DOCK10: variants seen among roughly 807,000 people sequenced by gnomAD.
DOCK10 encodes dedicator of cytokinesis protein 10.
Under a neutral mutation model 280.1 loss-of-function variants are expected in DOCK10, and 145 were observed. The observed-to-expected ratio is 0.52, with a 90% CI of 0.45 to 0.59. The LOEUF (loss-of-function observed/expected upper bound fraction) is 0.59, where lower values mean the gene tolerates loss of function less well. Among genes scored for constraint, DOCK10 ranks in the 20% least tolerant of loss-of-function variants. The pLI is 0.00. For missense variants in DOCK10, 2,368 were observed against 2,651.7 expected (o/e 0.89, Z 2.35); for synonymous variants, 915 against 942.2 (o/e 0.97, Z 0.53).
chr2:224,831,227 G>T (rs1413484437), intron 26 of DOCK10, among the ~76,000 whole-genome samples: 4 of 152,092 alleles, frequency 2.6e-5, no homozygotes, highest in Admixed American at 2.0e-4. Flanking sequence ...GAGCCACCAA[G>T]CCTGACCTAA....
intron 1 of DOCK10, among the ~76,000 whole-genome samples, chr2:224,964,851 C>A (rs1329229878): frequency 6.6e-6 from 1 of 152,194 alleles, no homozygotes; most frequent in Non-Finnish European, 1.5e-5. Flanking sequence ...TATAAGAACA[C>A]ATACTTCAAG....
chr2:224,904,281 G>A (rs2125871532), intron 3 of DOCK10, among the ~76,000 whole-genome samples: 1 of 147,260 alleles, frequency 6.8e-6, no homozygotes, highest in Middle Eastern at 3.4e-3. Context: ...TCATCAGCAA[G>A]ACCTTCATTA....
chr2:224,770,481 G>A lies in DOCK10; in HGVS notation c.6305+64C>T. ...TGAGTTTTGGTGTGATGGATTCTTG[G>A]GGGATTGAGGACTCCCTGTCTCAGG... On this transcript the variant is annotated intron_variant, in intron 54 of 55. Transcript: ENST00000258390. The surrounding 1 kb of genome is among the most constrained non-coding windows in gnomAD (Gnocchi z 4.5). The A allele has an allele frequency of 6.3e-7, 1 of 1,575,562 alleles. No homozygotes were observed. The highest frequency in any genetic ancestry group is 8.7e-7 in the Non-Finnish European group (1 of 1,148,036).
intron 1 of DOCK10, among the ~76,000 whole-genome samples, chr2:224,940,156 T>G (rs1702946193): frequency 6.6e-6 from 1 of 152,150 alleles, no homozygotes; most frequent in Non-Finnish European, 1.5e-5. Flanking sequence ...GATGAAAGGA[T>G]TGGAATTGTT....
chr2:224,794,397 G>A (rs958105203), intron 45 of DOCK10, among the ~76,000 whole-genome samples: 2 of 152,232 alleles, frequency 1.3e-5, no homozygotes, highest in Non-Finnish European at 2.9e-5. Context: ...TCCTCGTGCA[G>A]TGGACTCTCC....
At chr2:224,771,483 C>G (rs2124956605) in intron 53 of DOCK10, among the ~76,000 whole-genome samples, 1 of 152,290 alleles carries the variant, frequency 6.6e-6, no homozygotes, top group East Asian at 1.9e-4. Flanking sequence ...GATTCTGGCT[C>G]AAGGAGGCAT....
chr2:224,791,230 A>G (rs1692172357), intron 47 of DOCK10, among the ~76,000 whole-genome samples: 1 of 152,178 alleles, frequency 6.6e-6, no homozygotes, highest in South Asian at 2.1e-4. Flanking sequence ...GCATCTGGTT[A>G]TGATAAGCAA....
chr2:224,938,895 T>C (rs950748335), intron 1 of DOCK10, among the ~76,000 whole-genome samples: 2 of 152,224 alleles, frequency 1.3e-5, no homozygotes, highest in African/African-American at 4.8e-5. Context: ...GGCTACTTTT[T>C]CCTACCAAAA....
rs539832552 is a variant in DOCK10 at position 224,909,354 on chromosome 2, G to A, written c.333+7341C>T. Among the ~76,000 whole-genome samples the A allele has an allele frequency of 2.6e-5, 4 of 152,252 alleles. No homozygotes were observed. In the South Asian group the frequency reaches 8.3e-4, roughly 32 times the overall value. On this transcript the variant is annotated intron_variant, in intron 3 of 55. Coordinates refer to ENST00000258390, the MANE Select transcript of DOCK10 (RefSeq NM_014689.3). ...TTAAGCAGATTCAGATAAAGACAAT[G>A]CTCTCCAGTAGTTGTTTTCCAAGTG...
intron 50 of DOCK10, among the ~76,000 whole-genome samples, chr2:224,781,308 A>G (rs920706262): frequency 5.3e-5 from 8 of 152,172 alleles, no homozygotes; most frequent in Non-Finnish European, 7.4e-5. Context: ...TTTTCTAAAG[A>G]GCTTGGAAAT....
intron 13 of DOCK10, 44 bp downstream of exon 13, chr2:224,864,507 TAA>T (rs369411005): frequency 4.2e-4 from 469 of 1,124,890 alleles, no homozygotes; most frequent in Admixed American, 1.1e-3. Flanking sequence ...GAGACTCTAT[TAA>T]AAAAAAAAAA....
rs1258834969 is a variant in DOCK10 at position 224,797,920 on chromosome 2, A to T, written c.4556T>A (p.Phe1519Tyr). The T allele has an allele frequency of 6.2e-7, 1 of 1,613,876 alleles. No individual in the cohort carries two copies. The highest frequency in any genetic ancestry group is 8.5e-7 in the Non-Finnish European group (1 of 1,179,790). Reference protein sequence around the residue: ...DCQNSLMKRVFDTYMLFFQVN... With the variant: ...DCQNSLMKRVYDTYMLFFQVN... ...TTGGAAAAAGAGCATGTAGGTATCA[A>T]AGACCCTTTTCATCAATGAATTTTG... Residue 1519 changes from phenylalanine to tyrosine, a missense_variant, in exon 42 of 56, where the codon TTT becomes TAT. By Grantham distance (22) the Phe-to-Tyr change is conservative. Around this residue, in one of 2 missense-constraint regions of DOCK10, gnomAD observed 1,159 missense variants for 1,400.8 expected, o/e 0.83. Transcript: ENST00000258390.
chr2:224,904,699 C>T (rs1321003115), intron 3 of DOCK10, among the ~76,000 whole-genome samples: 2 of 152,132 alleles, frequency 1.3e-5, no homozygotes, highest in Non-Finnish European at 2.9e-5. Context: ...TATATATGGG[C>T]AAGTGTGAGT....
chr2:224,842,320 C>T lies in DOCK10; in HGVS notation c.2569-424G>A, dbSNP rs141527745. Among the ~76,000 whole-genome samples the T allele has an allele frequency of 4.6e-3, 697 of 152,310 alleles. 5 individuals carry two copies. The highest frequency in any genetic ancestry group is 0.016 in the African/African-American group (662 of 41,560). On this transcript the variant is annotated intron_variant, in intron 22 of 55. Coordinates refer to ENST00000258390, the MANE Select transcript of DOCK10 (RefSeq NM_014689.3). Reference sequence around the variant, plus strand: ...AATATCTACAGGGCATATTTTTAGGCTTAGAATGCCTGAATTAGCCCCAGA... The same window carrying T: ...AATATCTACAGGGCATATTTTTAGGTTTAGAATGCCTGAATTAGCCCCAGA...
At chr2:224,906,741 A>G (rs1470016756) in intron 3 of DOCK10, among the ~76,000 whole-genome samples, 1 of 152,228 alleles carries the variant, frequency 6.6e-6, no homozygotes, top group African/African-American at 2.4e-5. Context: ...GGCCTCCCAA[A>G]GTGCTGGGAT....
At chr2:224,889,413 G>C (rs1490950414) in intron 4 of DOCK10, among the ~76,000 whole-genome samples, 1 of 151,312 alleles carries the variant, frequency 6.6e-6, no homozygotes, top group Non-Finnish European at 1.5e-5. Flanking sequence ...TTCCTGATAA[G>C]AAGTGTTTTT....
Position 224,931,570 on chromosome 2 carries a change from G to A in DOCK10, c.222C>T (p.Phe74=). ...TTACTGAAAAGTCATCACTGGGGAA[G>A]AACAAGAGATCTTGAAGAGGATCAT... ...YRNDPLQDLL[F]FPSDDFSAAT... is the part of the protein sequence containing the mutation. Residue 74 remains phenylalanine (F), a synonymous_variant, in exon 2 of 56, where the codon TTC becomes TTT. Coordinates refer to ENST00000258390, the MANE Select transcript of DOCK10 (RefSeq NM_014689.3). 6.2e-7 allele frequency: 1 copy of A among 1,610,526 alleles called. No homozygotes were observed. The highest frequency in any genetic ancestry group is 8.5e-7 in the Non-Finnish European group (1 of 1,178,348).
chr2:224,923,627 C>A lies in DOCK10; in HGVS notation c.244-6843G>T, dbSNP rs542413874. Among the ~76,000 whole-genome samples, 23 of 152,342 alleles carry A rather than the reference C, an allele frequency of 1.5e-4. No homozygotes were observed. The South Asian group carries it at 4.1e-3, about 27-fold the overall frequency. On this transcript the variant is annotated intron_variant, in intron 2 of 55. Transcript: ENST00000258390. ...TAGGGAAGAGAAATGGACTGAAGAGCGGCCCAGCACTGCCAGCTCTCACCG... is the reference window on the plus strand; with the variant it reads ...TAGGGAAGAGAAATGGACTGAAGAGAGGCCCAGCACTGCCAGCTCTCACCG...
chr2:224,969,659 A>G (rs1704973053), intron 1 of DOCK10, among the ~76,000 whole-genome samples: 1 of 152,234 alleles, frequency 6.6e-6, no homozygotes, highest in Admixed American at 6.5e-5. Context: ...AAAGGAAGAA[A>G]TAGATGCATG....
Sources: gnomAD v4.1 joint callset for allele counts (sites outside exome capture counted in the v4.1 genomes callset) on GRCh38, gnomAD v4.1.1 for gene constraint, gnomAD v4.1.1 regional missense constraint, Gnocchi (gnomAD v3.1) non-coding constraint, MANE v1.5 for transcripts, NCBI Gene and HGNC (gene_info 2026-07-23, HGNC 2026-07-21) for gene names.